TEP1: variants seen among roughly 807,000 people sequenced by gnomAD.
TEP1 encodes the protein telomerase associated protein 1.
Under a neutral mutation model 306.3 loss-of-function variants are expected in TEP1, and 241 were observed. That is an observed-to-expected ratio of 0.79 (90% confidence interval 0.71 to 0.88). The LOEUF (loss-of-function observed/expected upper bound fraction) is 0.88. TEP1 is among the 40% of genes least tolerant of loss of function. The pLI, the probability that TEP1 is intolerant of heterozygous loss-of-function variation, is 0.00. For missense variants in TEP1, 3,051 were observed against 3,276.1 expected (o/e 0.93, Z 1.68); for synonymous variants, 1,289 against 1,305.5 (o/e 0.99, Z 0.27).
rs963137238 is a variant in TEP1 at position 20,366,914 on chromosome 14, C to T, written c.*1523G>A. ...CTTTTGCTCTCCTAAAAGCATGGGC[C>T]AAGGGCAGGAGGAAGCTCTAGTTGT... is the stretch of plus-strand genomic sequence containing the variant. On this transcript the variant is annotated 3_prime_UTR_variant, in exon 55 of 55. Transcript: ENST00000262715. 6.6e-6 allele frequency: 1 copy of T among 152,170 alleles called. No individual in the cohort carries two copies. Among genetic ancestry groups the T allele is most frequent in the Admixed American group, 6.5e-5 (1 of 15,274 alleles). The allele number at this position is 152,170 out of a possible 1,614,324, so 9.4% of individuals were successfully genotyped here.
intron 1 of TEP1, among the ~76,000 whole-genome samples, chr14:20,410,597 T>TCC (rs1479336985): frequency 9.2e-5 from 12 of 130,774 alleles, no homozygotes; most frequent in Non-Finnish European, 1.7e-4. Flanking sequence ...TGATTTTTTT[T>TCC]TCTTTTTTTT....
chr14:20,369,183 AT>A (rs1300385087), intron 53 of TEP1, among the ~76,000 whole-genome samples, 160 bp downstream of exon 53: 1 of 151,606 alleles, frequency 6.6e-6, no homozygotes, highest in African/African-American at 2.4e-5. Context: ...AATTTTTTGT[AT>A]TTTTTAGTAG....
intron 49 of TEP1, 75 bp downstream of exon 49, chr14:20,372,658 T>C (rs1011125927): frequency 6.2e-7 from 1 of 1,600,558 alleles, no homozygotes; most frequent in Non-Finnish European, 8.6e-7. Flanking sequence ...GAAGCAGAAG[T>C]GCAGTAATTT....
Position 20,371,577 on chromosome 14 carries a change from A to C in TEP1, c.7132T>G (p.Trp2378Gly). Residue 2378 changes from tryptophan to glycine, a missense_variant, in exon 50 of 55, where the codon TGG becomes GGG. Coordinates refer to ENST00000262715, the MANE Select transcript of TEP1 (RefSeq NM_007110.5). Reference protein sequence around the residue: ...EDLGVLTSLDWAPDGHFLILA... With the variant: ...EDLGVLTSLDGAPDGHFLILA... The stretch of plus-strand genomic sequence containing the variant: ...ATGAGAAAGTGACCATCAGGAGCCC[A>C]ATCCAGACTTGTCAGCACCCCTAAG... 1 of 1,603,532 alleles carries C rather than the reference A, an allele frequency of 6.2e-7. No individual in the cohort carries two copies. Among genetic ancestry groups the C allele is most frequent in the Non-Finnish European group, 8.5e-7 (1 of 1,177,822 alleles).
chr14:20,379,143 C>T (rs752659901), intron 35 of TEP1, 38 bp from the exon 36 acceptor site: 1 of 1,608,052 alleles, frequency 6.2e-7, no homozygotes, highest in South Asian at 1.1e-5. Flanking sequence ...TCAGGCCATC[C>T]CCTTGACCCT....
chr14:20,373,256 C>T lies in TEP1; in HGVS notation c.6814+14G>A. 6 of 1,613,710 alleles carry T rather than the reference C, an allele frequency of 3.7e-6. No individual in the cohort carries two copies. Among genetic ancestry groups the T allele is most frequent in the Non-Finnish European group, 5.1e-6 (6 of 1,179,644 alleles). ...GCCAGTAACACACCCTGTCTCTCTC[C>T]AAGCCTCACTCACCTGCTTCCTTAG... On this transcript the variant is annotated intron_variant, in intron 47 of 54. Coordinates refer to ENST00000262715, the MANE Select transcript of TEP1 (RefSeq NM_007110.5).
intron 5 of TEP1, among the ~76,000 whole-genome samples, chr14:20,404,356 C>CAAAAAAA (rs34000493): frequency 1.0e-5 from 1 of 95,528 alleles, no homozygotes; most frequent in Admixed American, 1.2e-4. Flanking sequence ...ACTCCGTCTC[C>CAAAAAAA]AAAAAAAAAA....
rs762994301 is a variant in TEP1 at position 20,386,574 on chromosome 14, C to T, written c.2734G>A (p.Gly912Arg). The change falls in exon 19 of 55, where the codon GGG becomes AGG. Residue 912 changes from glycine (G) to arginine (R), a missense_variant. This residue lies in a region of TEP1 where 1,507 missense variants were observed against 1,550.5 expected (regional missense o/e 0.97). Coordinates refer to ENST00000262715, the MANE Select transcript of TEP1 (RefSeq NM_007110.5). ...FISSTFRDMH[G>R]ERDLLLRSVL... ...GACCTCAGCAGCAGGTCCCGCTCCC[C>T]ATGCATGTCTCGGAAAGTGGATGAA... 77 of 1,610,826 alleles carry T rather than the reference C, an allele frequency of 4.8e-5. 1 individual carries two copies. In the South Asian group the frequency reaches 4.8e-4, roughly 10 times the overall value.
rs560086043 is a variant in TEP1 at position 20,373,785 on chromosome 14, C to T, written c.6497G>A (p.Arg2166Gln). The change falls in exon 45 of 55, where the codon CGG becomes CAG. Residue 2166 changes from arginine (R) to glutamine (Q), a missense_variant. Coordinates refer to ENST00000262715, the MANE Select transcript of TEP1 (RefSeq NM_007110.5). ...AVEEHVVSVSRDGTLKVWDHQ... is the reference protein window; with the variant it reads ...AVEEHVVSVSQDGTLKVWDHQ... The stretch of plus-strand genomic sequence containing the variant: ...GTCCCACACTTTCAAGGTCCCATCC[C>T]GGCTCACAGACACCACGTGCTCCTC... The T allele has an allele frequency of 6.2e-6, 10 of 1,613,460 alleles. No homozygotes were observed. The highest frequency in any genetic ancestry group is 1.3e-5 in the African/African-American group (1 of 74,886).
chr14:20,391,281 G>A (rs1269779179), intron 13 of TEP1, among the ~76,000 whole-genome samples, 185 bp from the exon 14 acceptor site: 11 of 152,196 alleles, frequency 7.2e-5, no homozygotes, highest in Non-Finnish European at 1.5e-4. Flanking sequence ...GAGGAAAAGA[G>A]GAGCCAGGAT....
intron 13 of TEP1, 92 bp from the exon 14 acceptor site, chr14:20,391,188 T>C: frequency 1.5e-6 from 2 of 1,317,528 alleles, no homozygotes; most frequent in South Asian, 1.4e-5. Context: ...CTTCCATTGG[T>C]TAGAGGGAAT....
chr14:20,399,787 G>T (rs997247270), intron 9 of TEP1, among the ~76,000 whole-genome samples: 2 of 151,960 alleles, frequency 1.3e-5, no homozygotes, highest in Non-Finnish European at 2.9e-5. Context: ...GACATTAAAA[G>T]AATAAATTTA....
intron 54 of TEP1, 22 bp downstream of exon 54, chr14:20,368,776 A>ACACACACACT (rs748135609): frequency 5.0e-6 from 8 of 1,592,318 alleles, no homozygotes; most frequent in Admixed American, 1.7e-5. Flanking sequence ...ACACACACAC[A>ACACACACACT]CACACACACA....
intron 49 of TEP1, 23 bp downstream of exon 49, chr14:20,372,710 A>G (rs1042752568): frequency 6.2e-7 from 1 of 1,614,044 alleles, no homozygotes; most frequent in Non-Finnish European, 8.5e-7. Context: ...TTTCTATCCC[A>G]TTAACCCATC....
At chr14:20,372,161 C>A (rs1326129255) in intron 49 of TEP1, among the ~76,000 whole-genome samples, 1 of 152,148 alleles carries the variant, frequency 6.6e-6, no homozygotes, top group African/African-American at 2.4e-5. Context: ...TTACTCCCAC[C>A]AGGAATCCAA....
At chr14:20,388,186 T>A in intron 17 of TEP1, 123 bp from the exon 18 acceptor site, 1 of 993,264 alleles carries the variant, frequency 1.0e-6, no homozygotes, top group Non-Finnish European at 1.5e-6. Flanking sequence ...TCAAGCTCCT[T>A]AAGAAGAGGA....
At position 20,371,342 on chromosome 14, in the gene TEP1, G is replaced by C. The variant is rs1016388638; in HGVS notation, c.7221-28C>G. ...GGTTTGTGAGAAAGGAATAGGTTGA[G>C]CTCAGGATTTAAAGAGAGGTAAAGA... On this transcript the variant is annotated intron_variant, in intron 50 of 54. Coordinates refer to ENST00000262715, the MANE Select transcript of TEP1 (RefSeq NM_007110.5). The C allele has an allele frequency of 5.0e-6, 8 of 1,607,210 alleles. No homozygotes were observed. In the African/African-American group the frequency reaches 8.0e-5, roughly 16 times the overall value.
rs1450904137 is a variant in TEP1, at chr14:20,387,901, T to C, written c.2684+4A>G. 1.2e-6 allele frequency: 2 copies of C among 1,600,326 alleles called. No individual in the cohort carries two copies. Among genetic ancestry groups the C allele is most frequent in the Non-Finnish European group, 1.7e-6 (2 of 1,175,596 alleles). Reference sequence around the variant, plus strand: ...TTCACAAAGGCATAGAAACACAGACTGACCCTTGCTGGGAAACAGGAGCCA... The same window carrying C: ...TTCACAAAGGCATAGAAACACAGACCGACCCTTGCTGGGAAACAGGAGCCA... On this transcript the variant is annotated splice_donor_region_variant and intron_variant, in intron 18 of 54. Transcript: ENST00000262715.
rs771582939 is a variant in TEP1, at chr14:20,383,238, C to T, written c.3983G>A (p.Arg1328Gln). ...CAGGGCCAGCTCCTCTCTCACCAGC[C>T]GGGCCCGAGCAGAGGCCTCCAGAGG... is the stretch of plus-strand genomic sequence containing the variant. Reference protein sequence around the residue: ...LGPLEASARARLVREELALYG... With the variant: ...LGPLEASARAQLVREELALYG... The change falls in exon 27 of 55, where the codon CGG becomes CAG. Residue 1328 changes from arginine to glutamine, a missense_variant. Arg to Gln is a conservative substitution (Grantham distance 43). Coordinates refer to ENST00000262715, the MANE Select transcript of TEP1 (RefSeq NM_007110.5). 3.9e-5 allele frequency: 63 copies of T among 1,613,894 alleles called. No individual in the cohort carries two copies. Among genetic ancestry groups the T allele is most frequent in the Non-Finnish European group, 4.7e-5 (55 of 1,179,986 alleles).
Sources: gnomAD v4.1 joint callset for allele counts (sites outside exome capture counted in the v4.1 genomes callset) on GRCh38, gnomAD v4.1.1 for gene constraint, gnomAD v4.1.1 regional missense constraint, MANE v1.5 for transcripts, NCBI Gene and HGNC (gene_info 2026-07-23, HGNC 2026-07-21) for gene names.